The following LPCAT2 variants were observed in gnomAD, a reference collection of about 807,000 sequenced individuals.
LPCAT2 encodes the protein 1-AGP acyltransferase 11.
LPCAT2 carries 58 observed loss-of-function variants against 64.7 expected under a neutral mutation model. That is an observed-to-expected ratio of 0.90 (90% CI 0.73 to 1.12). The LOEUF (loss-of-function observed/expected upper bound fraction) is 1.12. Among genes scored for constraint, LPCAT2 ranks in the 50% most tolerant of loss-of-function variants. The pLI, the probability that LPCAT2 is intolerant of heterozygous loss-of-function variation, is 0.00. For missense variants in LPCAT2, 579 were observed against 669.8 expected, an observed-to-expected ratio of 0.86 and a Z score of 1.50; for synonymous variants, 252 against 245.3, an observed-to-expected ratio of 1.03 and a Z score of -0.26.
chr16:55,546,762 A>G (rs1169752853), intron 9 of LPCAT2, among the ~76,000 whole-genome samples: 3 of 152,182 alleles, frequency 2.0e-5, no homozygotes, highest in East Asian at 3.8e-4. Flanking sequence ...TAGATCAGCT[A>G]CAAAGTTAGT....
intron 2 of LPCAT2, among the ~76,000 whole-genome samples, chr16:55,527,846 TA>T (rs1490935867): frequency 6.6e-6 from 1 of 152,180 alleles, no homozygotes; most frequent in Non-Finnish European, 1.5e-5. Flanking sequence ...ACAAGACTTT[TA>T]AAAAAATTCC....
intron 2 of LPCAT2, among the ~76,000 whole-genome samples, chr16:55,527,708 T>C (rs1355849158): frequency 6.6e-6 from 1 of 152,140 alleles, no homozygotes; most frequent in Non-Finnish European, 1.5e-5. Context: ...GGCAGAATCT[T>C]TTTTAAAGGT....
Position 55,585,775 on chromosome 16 carries a change from T to C in LPCAT2, c.*2677T>C, listed in dbSNP as rs1182512889. On this transcript the variant is annotated 3_prime_UTR_variant, in exon 14 of 14. Coordinates refer to ENST00000262134, the MANE Select transcript of LPCAT2 (RefSeq NM_017839.5). ...GCTCTAATGCATATTTAAAGGAGAC[T>C]GCCTCGCTTTTAGAAGACATCTGGT... The C allele has an allele frequency of 4.6e-5, 7 of 152,186 alleles. No homozygotes were observed. The highest frequency in any genetic ancestry group is 7.3e-5 in the Non-Finnish European group (5 of 68,036). 9.4% of individuals were successfully genotyped at this position (152,186 alleles called of 1,614,324 possible). A position where few individuals can be genotyped will look rare whatever the true frequency, so the allele number is the denominator to read the frequency against.
rs1165513909 is a variant in LPCAT2 at position 55,537,627 on chromosome 16, G to T, written c.847G>T (p.Val283Phe). The T allele has an allele frequency of 1.2e-6, 2 of 1,612,936 alleles. No individual in the cohort carries two copies. The highest frequency in any genetic ancestry group is 2.7e-5 in the African/African-American group (2 of 74,836). ...CTGCCAGCTCTTCACAAAGGTAGAA[G>T]TTGAGGTAAGTCATTCAAAATGTGG... ...TFCQLFTKVE[V>F]EFMPVQVPND... Residue 283 changes from valine (V) to phenylalanine (F), a missense_variant, in exon 8 of 14, where the codon GTT becomes TTT. Transcript: ENST00000262134.
intron 11 of LPCAT2, among the ~76,000 whole-genome samples, chr16:55,556,609 C>G (rs1172057860): frequency 6.6e-6 from 1 of 152,130 alleles, no homozygotes; most frequent in Non-Finnish European, 1.5e-5. Context: ...AACCCCGTCT[C>G]TACTAAAAAT....
rs1963509625 is a variant in LPCAT2 at position 55,550,943 on chromosome 16, G to A, written c.1062-6G>A. 4 of 1,575,562 alleles carry A rather than the reference G, an allele frequency of 2.5e-6. No individual in the cohort carries two copies. Among genetic ancestry groups the A allele is most frequent in the Middle Eastern group, 1.7e-4 (1 of 5,912 alleles). ...AACATGTATCTATAATTCTTTGTTT[G>A]TTTAGATTAGATTGGGATGGTGTTC... On this transcript the variant is annotated splice_region_variant and splice_polypyrimidine_tract_variant and intron_variant, in intron 10 of 13. Transcript: ENST00000262134.
chr16:55,535,526 G>A (rs868047268), intron 7 of LPCAT2, among the ~76,000 whole-genome samples: 45 of 152,204 alleles, frequency 3.0e-4, no homozygotes, highest in Non-Finnish European at 8.8e-5. Context: ...CAAACATAAA[G>A]AACATAAATT....
At chr16:55,566,230 C>T (rs1472918045) in intron 11 of LPCAT2, among the ~76,000 whole-genome samples, 1 of 152,138 alleles carries the variant, frequency 6.6e-6, no homozygotes, top group African/African-American at 2.4e-5. Context: ...AATCTCCCTT[C>T]TAAATTTTTC....
Position 55,529,862 on chromosome 16 carries a change from T to A in LPCAT2, c.557T>A (p.Leu186Ter). 6.2e-7 allele frequency: 1 copy of A among 1,611,990 alleles called. No homozygotes were observed. The highest frequency in any genetic ancestry group is 1.1e-5 in the South Asian group (1 of 90,530). ...GRLLRAVQPV[L>*]VSRVDPDSRK... ...CTGTTACGGGCTGTGCAACCAGTTT[T>A]GGTGTCCCGTGTAGATCCGGATTCC... is the stretch of plus-strand genomic sequence containing the variant. Residue 186 changes from leucine to a stop codon, truncating the protein, a stop_gained, in exon 4 of 14, where the codon TTG becomes TAG. Transcript: ENST00000262134. LOFTEE classifies it high-confidence loss of function.
chr16:55,525,677 G>T, intron 2 of LPCAT2, 30 bp downstream of exon 2: 1 of 1,544,396 alleles, frequency 6.5e-7, no homozygotes, highest in South Asian at 1.2e-5. Context: ...AAAATATTAG[G>T]ACATAATATT....
chr16:55,555,676 T>A (rs1213299084), intron 11 of LPCAT2, among the ~76,000 whole-genome samples: 4 of 152,250 alleles, frequency 2.6e-5, no homozygotes, highest in Non-Finnish European at 5.9e-5. Context: ...CTTTTAGGTG[T>A]AGTGCCTGGA....
At chr16:55,573,263 A>G (rs543518546) in intron 11 of LPCAT2, among the ~76,000 whole-genome samples, 1 of 152,334 alleles carries the variant, frequency 6.6e-6, no homozygotes, top group Non-Finnish European at 1.5e-5. Context: ...GGGGCTTCAC[A>G]GCCCTTCCTT....
Position 55,579,142 on chromosome 16 carries a change from G to A in LPCAT2, c.1348G>A (p.Glu450Lys). 1 of 1,613,350 alleles carries A rather than the reference G, an allele frequency of 6.2e-7. No homozygotes were observed. The highest frequency in any genetic ancestry group is 8.5e-7 in the Non-Finnish European group (1 of 1,179,540). ...CGTTGATGAGGATGGCTACATAACG[G>A]AGGAAGAGTTCTCCACCATTCTACA... ...FDVDEDGYITEEEFSTILQAS... is the reference protein window; with the variant it reads ...FDVDEDGYITKEEFSTILQAS... The change falls in exon 13 of 14, where the codon GAG becomes AAG. Residue 450 changes from glutamate (E) to lysine (K), a missense_variant. Coordinates refer to ENST00000262134, the MANE Select transcript of LPCAT2 (RefSeq NM_017839.5).
intron 10 of LPCAT2, 135 bp downstream of exon 10, chr16:55,549,537 G>A: frequency 1.3e-6 from 1 of 763,548 alleles, no homozygotes; most frequent in Non-Finnish European, 2.0e-6. Flanking sequence ...TCAGAGTTGA[G>A]AATTTATCTC....
chr16:55,529,050 C>T (rs928597864), intron 3 of LPCAT2, among the ~76,000 whole-genome samples: 2 of 152,178 alleles, frequency 1.3e-5, no homozygotes, highest in Non-Finnish European at 2.9e-5. Flanking sequence ...CATGAGGGAC[C>T]TATGTGTAGC....
chr16:55,528,212 C>A (rs762439555), intron 2 of LPCAT2, among the ~76,000 whole-genome samples, 165 bp from the exon 3 acceptor site: 5 of 152,134 alleles, frequency 3.3e-5, no homozygotes, highest in Non-Finnish European at 7.4e-5. Context: ...TGCCTAGCAC[C>A]TGGCAGAAAC....
At chr16:55,529,649 T>C (rs995731058) in intron 3 of LPCAT2, among the ~76,000 whole-genome samples, 186 bp from the exon 4 acceptor site, 1 of 152,218 alleles carries the variant, frequency 6.6e-6, no homozygotes, top group South Asian at 2.1e-4. Context: ...ATTAATGAAA[T>C]GTTTTTAGTT....
intron 11 of LPCAT2, among the ~76,000 whole-genome samples, chr16:55,572,973 T>C (rs1963787588): frequency 1.3e-5 from 2 of 152,124 alleles, no homozygotes; most frequent in South Asian, 4.1e-4. Flanking sequence ...AAAACAGCTC[T>C]CTGACAGACT....
At chr16:55,582,124 C>G (rs1963893156) in intron 13 of LPCAT2, among the ~76,000 whole-genome samples, 1 of 152,016 alleles carries the variant, frequency 6.6e-6, no homozygotes, top group South Asian at 2.1e-4. Context: ...AACAAAAATA[C>G]AGAAAACTAA....
Sources: allele counts gnomAD v4.1 joint callset (sites outside exome capture counted in the v4.1 genomes callset), GRCh38; gene constraint gnomAD v4.1.1; transcripts MANE v1.5; gene names NCBI Gene and HGNC (gene_info 2026-07-23, HGNC 2026-07-21).